POLR2B: variants seen among roughly 807,000 people sequenced by gnomAD.
POLR2B encodes the protein DNA-directed RNA polymerase II subunit RPB2.
POLR2B carries 57 observed loss-of-function variants against 144.6 expected under a neutral mutation model. The ratio of observed to expected loss-of-function variants is 0.39; its 90% confidence interval spans 0.32 to 0.49. The LOEUF is 0.49. Among genes scored for constraint, POLR2B ranks in the 20% least tolerant of loss-of-function variants. The pLI, the probability that POLR2B is intolerant of heterozygous loss-of-function variation, is 0.83. For synonymous variants in POLR2B, 442 were observed against 469.8 expected (o/e 0.94, Z 0.77); for missense variants, 595 against 1,467.4 (o/e 0.41, Z 9.71).
intron 18 of POLR2B, 119 bp downstream of exon 18, chr4:57,022,365 G>C (rs921020016): frequency 1.7e-5 from 11 of 636,330 alleles, no homozygotes; most frequent in Admixed American, 2.9e-5. Context: ...CCCTTTTTTT[G>C]TGCAATGAAA....
rs770286249 is a variant in POLR2B at position 57,024,041 on chromosome 4, A to G, written c.2893A>G (p.Ile965Val). Residue 965 changes from isoleucine (I) to valine (V), a missense_variant, in exon 21 of 25, where the codon ATC becomes GTC. Around this residue, in one of 9 missense-constraint regions of POLR2B, gnomAD observed 65 missense variants for 282.8 expected, o/e 0.23. Coordinates refer to ENST00000314595, the MANE Select transcript of POLR2B (RefSeq NM_000938.3). ...PFTCEGITPDIIINPHAIPSR... is the reference protein window; with the variant it reads ...PFTCEGITPDVIINPHAIPSR... ...CACCTGTGAAGGTATCACCCCTGATATCATCATCAATCCCCATGCCATCCC... is the reference window on the plus strand; with the variant it reads ...CACCTGTGAAGGTATCACCCCTGATGTCATCATCAATCCCCATGCCATCCC... 6.2e-7 allele frequency: 1 copy of G among 1,610,814 alleles called. No homozygotes were observed. Among genetic ancestry groups the G allele is most frequent in the South Asian group, 1.1e-5 (1 of 90,764 alleles).
chr4:57,018,775 A>G (rs1314423356), intron 16 of POLR2B, among the ~76,000 whole-genome samples: 2 of 152,200 alleles, frequency 1.3e-5, no homozygotes, highest in Non-Finnish European at 2.9e-5. Context: ...AGAGGCAGAC[A>G]ATTTTAGACA....
intron 14 of POLR2B, among the ~76,000 whole-genome samples, chr4:57,016,171 C>G (rs1723360872): frequency 6.6e-6 from 1 of 152,202 alleles, no homozygotes; most frequent in Non-Finnish European, 1.5e-5. Flanking sequence ...CGAAAAAACT[C>G]TGTATCCTTA....
In POLR2B at chr4:56,996,274, A is replaced by ATTTT. The variant is rs1447493379; in HGVS notation, c.735+866_735+867insTTTT. On this transcript the variant is annotated intron_variant, in intron 6 of 24. Coordinates refer to ENST00000314595, the MANE Select transcript of POLR2B (RefSeq NM_000938.3). Reference sequence around the variant, plus strand: ...TGTGTGTGTGTGTGTATATATATATATATATTTTTTTTTTTTTTTTTTTTT... The same window carrying ATTTT: ...TGTGTGTGTGTGTGTATATATATATATTTTTATATTTTTTTTTTTTTTTTTTTTT... 1.4e-4 allele frequency among the ~76,000 whole-genome samples: 12 copies of ATTTT among 86,996 alleles called. No individual in the cohort carries two copies. In the South Asian group the frequency reaches 3.6e-3, roughly 26 times the overall value. 57.1% of individuals were successfully genotyped at this position (86,996 alleles called of 152,430 possible).
chr4:57,010,167 T>G, intron 10 of POLR2B, 194 bp from the exon 11 acceptor site: 1 of 550,862 alleles, frequency 1.8e-6, no homozygotes, highest in Non-Finnish European at 3.2e-6. Flanking sequence ...GTGGTATGTT[T>G]GAATATATTT....
chr4:57,025,151 G>A lies in POLR2B; in HGVS notation c.3078+152G>A, dbSNP rs1375003484. ...GAATTTTCACAAAGTAAACACAGCT[G>A]CATGACTAACACCAAGATCTAAAAA... On this transcript the variant is annotated intron_variant, in intron 22 of 24. Coordinates refer to ENST00000314595, the MANE Select transcript of POLR2B (RefSeq NM_000938.3). The A allele has an allele frequency of 1.3e-5, 8 of 621,304 alleles. No homozygotes were observed. The African/African-American group carries it at 1.3e-4, about 10-fold the overall frequency. 38.5% of individuals were successfully genotyped at this position (621,304 alleles called of 1,614,324 possible).
In POLR2B at chr4:57,017,739, T is replaced by C. The variant is rs777335536; in HGVS notation, c.2323+11T>C. ...GAGAGCTGCCAGCAGGTATGGTCAG[T>C]TTTGCTCTACGTTATTTAAGATCCT... On this transcript the variant is annotated intron_variant, in intron 16 of 24. Coordinates refer to ENST00000314595, the MANE Select transcript of POLR2B (RefSeq NM_000938.3). The surrounding 1 kb of genome is among the most constrained non-coding windows in gnomAD (Gnocchi z 4.8). 3 of 1,607,014 alleles carry C rather than the reference T, an allele frequency of 1.9e-6. No homozygotes were observed. In the South Asian group the frequency reaches 3.3e-5, roughly 18 times the overall value.
intron 13 of POLR2B, among the ~76,000 whole-genome samples, chr4:57,013,427 T>TA (rs1723260418): frequency 6.6e-6 from 1 of 151,968 alleles, no homozygotes; most frequent in African/African-American, 2.4e-5. Flanking sequence ...ATAGAGAGAT[T>TA]AAAAAATCTG....
At chr4:56,994,376 C>T in intron 3 of POLR2B, 28 bp from the exon 4 acceptor site, 1 of 1,157,846 alleles carries the variant, frequency 8.6e-7, no homozygotes. Flanking sequence ...ATTATTTACC[C>T]TTTTCATGTT....
chr4:57,030,446 G>A (rs1013351491), intron 24 of POLR2B, 47 bp downstream of exon 24: 1 of 1,405,104 alleles, frequency 7.1e-7, no homozygotes, highest in Non-Finnish European at 9.8e-7. Flanking sequence ...AGAGGAAACT[G>A]TGTTGGTCTG....
At chr4:57,027,313 C>G (rs1279672483) in intron 23 of POLR2B, among the ~76,000 whole-genome samples, 1 of 151,626 alleles carries the variant, frequency 6.6e-6, no homozygotes, top group Non-Finnish European at 1.5e-5. Context: ...CCAGCCCACC[C>G]CTTCCCTTTT....
In POLR2B at chr4:57,030,323, A is replaced by G. The variant is rs777006098; in HGVS notation, c.3359A>G (p.Asn1120Ser). The change falls in exon 24 of 25, where the codon AAT becomes AGT. Residue 1120 changes from asparagine (N) to serine (S), a missense_variant. Transcript: ENST00000314595. ...GATCCATATCAGGTTCATGTTTGCA[A>G]TCTTTGTGGAATAATGGCGATTGCC... The part of the protein sequence containing the change: ...ASDPYQVHVC[N>S]LCGIMAIANT... The G allele has an allele frequency of 1.4e-5, 23 of 1,614,028 alleles. No homozygotes were observed. The highest frequency in any genetic ancestry group is 1.8e-5 in the Non-Finnish European group (21 of 1,180,000).
At chr4:57,022,340 C>T (rs1723578991) in intron 18 of POLR2B, 94 bp downstream of exon 18, 7 of 701,958 alleles carry the variant, frequency 1.0e-5, no homozygotes, top group South Asian at 7.0e-5. Context: ...CCTGTGCCTG[C>T]CCCTGTCCTC....
At chr4:56,985,358 G>T (rs944644023) in intron 1 of POLR2B, 14 of 985,226 alleles carry the variant, frequency 1.4e-5, no homozygotes, top group African/African-American at 8.7e-5. Context: ...GCGAGGGACC[G>T]GTGGTAGCCG....
intron 10 of POLR2B, chr4:57,009,852 T>C (rs1191527963): frequency 6.6e-6 from 1 of 152,240 alleles, no homozygotes; most frequent in East Asian, 1.9e-4. Flanking sequence ...CTAAATATTA[T>C]CTTATTTATA....
Position 57,030,903 on chromosome 4 carries a change from C to A in POLR2B, c.3440C>A (p.Ser1147Tyr). The A allele has an allele frequency of 1.3e-6, 2 of 1,597,178 alleles. No individual in the cohort carries two copies. The highest frequency in any genetic ancestry group is 1.7e-6 in the Non-Finnish European group (2 of 1,164,618). Reference protein sequence around the residue: ...CRGCRNKTQISLVRMPYACKL... With the variant: ...CRGCRNKTQIYLVRMPYACKL... Reference sequence around the variant, plus strand: ...CCATTTGTTTTTTCTTTTCAGATTTCTTTGGTGCGAATGCCTTACGCATGC... The same window carrying A: ...CCATTTGTTTTTTCTTTTCAGATTTATTTGGTGCGAATGCCTTACGCATGC... Residue 1147 changes from serine (S) to tyrosine (Y), a missense_variant, in exon 25 of 25, where the codon TCT (serine) becomes TAT (tyrosine). Around this residue, in one of 9 missense-constraint regions of POLR2B, gnomAD observed 45 missense variants for 80.9 expected, o/e 0.56. Coordinates refer to ENST00000314595, the MANE Select transcript of POLR2B (RefSeq NM_000938.3).
chr4:57,005,585 T>TA lies in POLR2B; in HGVS notation c.1098-15_1098-14insA. ...TGTTTTCCCTCTTTCTTTCTTTCTT[T>TA]TTTTTTTTTTAAAGATACATGGTTC... On this transcript the variant is annotated splice_polypyrimidine_tract_variant and intron_variant, in intron 8 of 24. Coordinates refer to ENST00000314595, the MANE Select transcript of POLR2B (RefSeq NM_000938.3). 1 of 1,433,182 alleles carries TA rather than the reference T, an allele frequency of 7.0e-7. No homozygotes were observed. The highest frequency in any genetic ancestry group is 9.3e-7 in the Non-Finnish European group (1 of 1,077,642). 88.8% of individuals were successfully genotyped at this position (1,433,182 alleles called of 1,614,324 possible).
At chr4:56,992,492 A>AAAG (rs760090936) in intron 3 of POLR2B, among the ~76,000 whole-genome samples, 5,156 of 88,384 alleles carry the variant, frequency 0.058, 1,164 homozygotes, top group East Asian at 0.14. Context: ...AAAAAAAAAA[A>AAAG]GAAAAGAAAA....
intron 3 of POLR2B, among the ~76,000 whole-genome samples, chr4:56,993,251 C>T (rs765396294): frequency 1.3e-4 from 20 of 151,780 alleles, no homozygotes; most frequent in Non-Finnish European, 2.2e-4. Context: ...TGCAGTGAGC[C>T]GAGATCACGC....
Sources: allele counts gnomAD v4.1 joint callset (sites outside exome capture counted in the v4.1 genomes callset), GRCh38; gene constraint gnomAD v4.1.1; regional missense constraint gnomAD v4.1.1; non-coding constraint Gnocchi (gnomAD v3.1); transcripts MANE v1.5; gene names NCBI Gene and HGNC (gene_info 2026-07-23, HGNC 2026-07-21).